PTPRN2: variants seen among roughly 807,000 people sequenced by gnomAD.
PTPRN2 encodes the protein protein tyrosine phosphatase receptor type N2, also known as receptor-type tyrosine-protein phosphatase N2.
In PTPRN2, 74 loss-of-function variants were observed where a neutral mutation model predicts 118.8. The observed-to-expected ratio is 0.62, with a 90% CI of 0.52 to 0.76. The LOEUF is 0.76. PTPRN2 is among the 30% of genes least tolerant of loss of function. PTPRN2 has a pLI of 0.00. For synonymous variants in PTPRN2, 641 were observed against 608.0 expected (o/e 1.05, Z -0.80); for missense variants, 1,481 against 1,394.4 (o/e 1.06, Z -0.99).
chr7:158,278,314 G>A (rs1175338498), intron 3 of PTPRN2, among the ~76,000 whole-genome samples: 2 of 150,674 alleles, frequency 1.3e-5, no homozygotes, highest in African/African-American at 4.9e-5. Flanking sequence ...ACCAGCCTGT[G>A]CAACATGATG....
chr7:158,266,407 G>A (rs1797881232), intron 3 of PTPRN2, among the ~76,000 whole-genome samples: 1 of 150,400 alleles, frequency 6.6e-6, no homozygotes, highest in East Asian at 2.0e-4. Flanking sequence ...GGTGTCTGCT[G>A]CGGGGTATTG....
In PTPRN2 at chr7:157,836,697, A is replaced by G. The variant is rs180743820; in HGVS notation, c.1788+61976T>C. On this transcript the variant is annotated intron_variant, in intron 12 of 22. Transcript: ENST00000389418. ...TCCACGCTAAGTGTTCAATAGACAC[A>G]AAACAAGTATTTTAACAAAAATATG... Among the ~76,000 whole-genome samples, 284 of 152,326 alleles carry G rather than the reference A, an allele frequency of 1.9e-3. 1 individual carries two copies. Among genetic ancestry groups the G allele is most frequent in the African/African-American group, 6.6e-3 (276 of 41,566 alleles).
chr7:157,550,479 C>T lies in PTPRN2; in HGVS notation c.2903-1460G>A, dbSNP rs553765398. ...TCTGGCTGTCAGGACAGCCCCACAG[C>T]GGCTCCACCAGGGAGGCCGGGCGCG... is the stretch of plus-strand genomic sequence containing the variant. On this transcript the variant is annotated intron_variant, in intron 21 of 22. Transcript: ENST00000389418. The surrounding 1 kb of genome is among the most constrained non-coding windows in gnomAD (Gnocchi z 5.2). Among the ~76,000 whole-genome samples, 9 of 152,340 alleles carry T rather than the reference C, an allele frequency of 5.9e-5. No homozygotes were observed. The South Asian group carries it at 6.2e-4, about 11-fold the overall frequency.
At chr7:158,577,930 C>A (rs145136090) in intron 1 of PTPRN2, among the ~76,000 whole-genome samples, 2 of 152,138 alleles carry the variant, frequency 1.3e-5, no homozygotes, top group Non-Finnish European at 2.9e-5. Context: ...CCTTGCCATC[C>A]CCACAGGCCA....
intron 13 of PTPRN2, among the ~76,000 whole-genome samples, chr7:157,673,779 C>T (rs753914888): frequency 4.6e-5 from 7 of 152,192 alleles, no homozygotes; most frequent in Middle Eastern, 3.2e-3. Flanking sequence ...CTGAACCCCA[C>T]GCGGCACCCA....
intron 2 of PTPRN2, among the ~76,000 whole-genome samples, chr7:158,407,927 A>G (rs1189699137): frequency 6.6e-6 from 1 of 152,248 alleles, no homozygotes; most frequent in Non-Finnish European, 1.5e-5. Flanking sequence ...TCAAGTCTAC[A>G]GAGCTTGTGT....
intron 3 of PTPRN2, among the ~76,000 whole-genome samples, chr7:158,263,576 A>G (rs1402116261): frequency 6.6e-6 from 1 of 152,178 alleles, no homozygotes; most frequent in Non-Finnish European, 1.5e-5. Context: ...TTGTTTGTGT[A>G]TTTCCCATCG....
intron 17 of PTPRN2, among the ~76,000 whole-genome samples, chr7:157,580,574 G>A (rs1282842959): frequency 6.5e-5 from 7 of 108,442 alleles, no homozygotes; most frequent in Admixed American, 5.3e-4. Flanking sequence ...CTGCACATCC[G>A]AGCCCCTGCA....
rs1478609119 is a variant in PTPRN2, at chr7:158,417,762, A to C, written c.163+71973T>G. On this transcript the variant is annotated intron_variant, in intron 2 of 22. Transcript: ENST00000389418. Reference sequence around the variant, plus strand: ...GTGTACTACATCGAGATGCTCTCTCAGTGTCCCGCTGTGTTAAGTCACGGT... The same window carrying C: ...GTGTACTACATCGAGATGCTCTCTCCGTGTCCCGCTGTGTTAAGTCACGGT... Among the ~76,000 whole-genome samples the C allele has an allele frequency of 2.6e-4, 8 of 31,154 alleles. 1 individual carries two copies. The highest frequency in any genetic ancestry group is 5.0e-4 in the African/African-American group (3 of 5,976). The allele number at this position is 31,154 out of a possible 152,430, so 20.4% of individuals were successfully genotyped here.
At chr7:158,554,890 G>T (rs1317252302) in intron 1 of PTPRN2, among the ~76,000 whole-genome samples, 1 of 152,162 alleles carries the variant, frequency 6.6e-6, no homozygotes, top group Non-Finnish European at 1.5e-5. Context: ...TTTCGCTCCT[G>T]CCAGCAGCAC....
chr7:158,177,030 T>C (rs1824268117), intron 5 of PTPRN2, among the ~76,000 whole-genome samples: 1 of 152,152 alleles, frequency 6.6e-6, no homozygotes, highest in South Asian at 2.1e-4. Context: ...GTGGTGACAG[T>C]TTGGGGCTGT....
intron 11 of PTPRN2, among the ~76,000 whole-genome samples, chr7:157,978,433 G>A (rs755053682): frequency 1.3e-4 from 20 of 152,010 alleles, no homozygotes; most frequent in Non-Finnish European, 2.4e-4. Context: ...GACCATTCGG[G>A]AAATTGTTTA....
intron 11 of PTPRN2, among the ~76,000 whole-genome samples, chr7:158,043,881 T>C (rs1449014109): frequency 6.6e-6 from 1 of 152,198 alleles, no homozygotes; most frequent in Non-Finnish European, 1.5e-5. Context: ...CATTTAGCAA[T>C]TACATAAAAT....
intron 12 of PTPRN2, chr7:157,862,637 C>T (rs1013546469): frequency 2.0e-5 from 3 of 152,236 alleles, no homozygotes; most frequent in African/African-American, 7.2e-5. Context: ...CTTGGCTGGT[C>T]AAGAATCATG....
At chr7:158,053,608 G>A (rs1809496777) in intron 11 of PTPRN2, among the ~76,000 whole-genome samples, 1 of 152,228 alleles carries the variant, frequency 6.6e-6, no homozygotes, top group African/African-American at 2.4e-5. Context: ...TAGGTTTAAT[G>A]TGGTAAAAGG....
chr7:157,812,397 G>T (rs986091481), intron 12 of PTPRN2, among the ~76,000 whole-genome samples: 1 of 128,178 alleles, frequency 7.8e-6, no homozygotes, highest in Non-Finnish European at 1.5e-5. Context: ...TGAGGGAGGT[G>T]AGGGAGGAGG....
In PTPRN2 at chr7:157,961,028, CCAAAA is replaced by C. The variant is rs1377429788; in HGVS notation, c.1724-62296_1724-62292del. The stretch of plus-strand genomic sequence containing the variant: ...TCTCAAAAACAAAAACAAAACAAAA[CCAAAA>C]CAAAACAAAAAACAAGCAAAAACCA... On this transcript the variant is annotated intron_variant, in intron 11 of 22. Coordinates refer to ENST00000389418, the MANE Select transcript of PTPRN2 (RefSeq NM_002847.5). Among the ~76,000 whole-genome samples, 5 of 151,564 alleles carry C rather than the reference CCAAAA, an allele frequency of 3.3e-5. No homozygotes were observed. The East Asian group carries it at 9.7e-4, about 29-fold the overall frequency.
intron 11 of PTPRN2, among the ~76,000 whole-genome samples, chr7:158,049,588 C>T (rs1044770875): frequency 5.3e-5 from 8 of 152,186 alleles, no homozygotes; most frequent in African/African-American, 1.9e-4. Context: ...CACAGCTGAT[C>T]CCACATGGTC....
intron 11 of PTPRN2, among the ~76,000 whole-genome samples, chr7:157,965,235 T>C (rs1801837140): frequency 6.6e-6 from 1 of 152,238 alleles, no homozygotes; most frequent in Non-Finnish European, 1.5e-5. Flanking sequence ...ATTTCATCAA[T>C]TTCAAGACGA....
Sources: allele counts gnomAD v4.1 joint callset (sites outside exome capture counted in the v4.1 genomes callset), GRCh38; gene constraint gnomAD v4.1.1; non-coding constraint Gnocchi (gnomAD v3.1); transcripts MANE v1.5; gene names NCBI Gene and HGNC (gene_info 2026-07-23, HGNC 2026-07-21).